SLC24A2: variants seen among roughly 807,000 people sequenced by gnomAD.
SLC24A2 encodes the protein sodium/potassium/calcium exchanger 2.
A neutral mutation model predicts 62.0 loss-of-function variants in SLC24A2; 36 were observed. The ratio of observed to expected loss-of-function variants is 0.58; its 90% confidence interval spans 0.44 to 0.77. The LOEUF is 0.77. Ranked by LOEUF, SLC24A2 falls within the 30% of genes least tolerant of loss-of-function variation. The probability of loss-of-function intolerance (pLI) is 0.00; values close to 1 mark genes in which losing one functional copy is unlikely to be tolerated. For missense variants in SLC24A2, 846 were observed against 817.9 expected, an observed-to-expected ratio of 1.03 and a Z score of -0.42; for synonymous variants, 358 against 294.0, an observed-to-expected ratio of 1.22 and a Z score of -2.23.
At chr9:20,145,269 T>C in the SLC24A2 span, among the ~76,000 whole-genome samples, 1 of 152,066 alleles carries the variant, frequency 6.6e-6, no homozygotes, top group South Asian at 2.1e-4. Flanking sequence ...GTGGGCTCGT[T>C]GCTCTATGAA....
At chr9:19,734,135 A>G (rs1484613277) in intron 2 of SLC24A2, among the ~76,000 whole-genome samples, 1 of 152,194 alleles carries the variant, frequency 6.6e-6, no homozygotes, top group Non-Finnish European at 1.5e-5. Flanking sequence ...CCATTTATTA[A>G]ATAGGGAATC....
At chr9:20,297,402 C>A in the SLC24A2 span, among the ~76,000 whole-genome samples, 1 of 152,098 alleles carries the variant, frequency 6.6e-6, no homozygotes, top group Admixed American at 6.5e-5. Context: ...CAACAGGAAA[C>A]GAGGCTGCAG....
the SLC24A2 span, among the ~76,000 whole-genome samples, chr9:20,036,680 G>C: frequency 2.0e-5 from 3 of 152,078 alleles, no homozygotes; most frequent in Non-Finnish European, 4.4e-5. Flanking sequence ...CCTTTTTAAA[G>C]GCTGAATAGA....
the SLC24A2 span, among the ~76,000 whole-genome samples, chr9:20,092,077 C>A: frequency 0.13 from 19,357 of 151,918 alleles, 1,734 homozygotes; most frequent in Admixed American, 0.31. Flanking sequence ...AACAACAGAC[C>A]CTGGGGCCTA....
At position 19,622,254 on chromosome 9, in the gene SLC24A2, T is replaced by C. The variant is rs1478744184; in HGVS notation, c.969+7A>G. ...AAACAGGTACAGACAAAGCCACTGC[T>C]TCCTACCGGTAGAGTTGGTTCATCC... On this transcript the variant is annotated splice_region_variant and intron_variant, in intron 3 of 10. Coordinates refer to ENST00000341998, the MANE Select transcript of SLC24A2 (RefSeq NM_020344.4). 1.9e-6 allele frequency: 3 copies of C among 1,613,000 alleles called. No homozygotes were observed. The highest frequency in any genetic ancestry group is 2.5e-6 in the Non-Finnish European group (3 of 1,179,262).
At chr9:19,838,455 CCACACACACACACA>C in the SLC24A2 span, among the ~76,000 whole-genome samples, 6 of 144,752 alleles carry the variant, frequency 4.1e-5, no homozygotes, top group Admixed American at 7.0e-5. Flanking sequence ...AGACCTAAAA[CCACACACACACACA>C]CACACACACA....
chr9:19,599,648 C>A lies in SLC24A2; in HGVS notation c.1079-2369G>T, dbSNP rs1278001702. The stretch of plus-strand genomic sequence containing the variant: ...GATTGGGCAGCATCTCCAGGAGCCA[C>A]AAGGCCCTCCTCCCTGAAGCAGGGA... On this transcript the variant is annotated intron_variant, in intron 4 of 10. Coordinates refer to ENST00000341998, the MANE Select transcript of SLC24A2 (RefSeq NM_020344.4). This position sits in a 1 kb window ranked among gnomAD's most constrained non-coding sequence, Gnocchi z 4.5. Among the ~76,000 whole-genome samples the A allele has an allele frequency of 6.6e-6, 1 of 152,170 alleles. No homozygotes were observed. The highest frequency in any genetic ancestry group is 1.5e-5 in the Non-Finnish European group (1 of 68,028).
intron 2 of SLC24A2, among the ~76,000 whole-genome samples, chr9:19,641,408 T>G (rs1818489483): frequency 6.6e-6 from 1 of 152,236 alleles, no homozygotes; most frequent in South Asian, 2.1e-4. Context: ...AAAACCAAAG[T>G]TCACTTTCAA....
At position 19,616,956 on chromosome 9, in the gene SLC24A2, G is replaced by C. The variant is rs150959659; in HGVS notation, c.1078+2628C>G. Among the ~76,000 whole-genome samples the C allele has an allele frequency of 1.4e-4, 21 of 152,230 alleles. No individual in the cohort carries two copies. In the East Asian group the frequency reaches 3.3e-3, roughly 24 times the overall value. ...GAGAACAGCCTATGGAAAAACCTGG[G>C]GCAGGGAAGGGGTGTTTGTCTGAAG... On this transcript the variant is annotated intron_variant, in intron 4 of 10. Coordinates refer to ENST00000341998, the MANE Select transcript of SLC24A2 (RefSeq NM_020344.4).
the SLC24A2 span, among the ~76,000 whole-genome samples, chr9:19,905,602 G>A: frequency 0.013 from 1,901 of 151,824 alleles, 45 homozygotes; most frequent in African/African-American, 0.044. Context: ...TAGTAGAGAC[G>A]GGGTTTCTCC....
chr9:20,147,136 C>T, the SLC24A2 span, among the ~76,000 whole-genome samples: 1 of 152,118 alleles, frequency 6.6e-6, no homozygotes, highest in African/African-American at 2.4e-5. Context: ...CAGAGAAATG[C>T]CTGATCACGA....
At chr9:19,876,077 G>A in the SLC24A2 span, among the ~76,000 whole-genome samples, 1 of 152,050 alleles carries the variant, frequency 6.6e-6, no homozygotes, top group Non-Finnish European at 1.5e-5. Context: ...AGTATTGTTA[G>A]GGCCAACAGA....
intron 2 of SLC24A2, among the ~76,000 whole-genome samples, chr9:19,722,468 C>T (rs1261460949): frequency 6.6e-6 from 1 of 151,856 alleles, no homozygotes; most frequent in Non-Finnish European, 1.5e-5. Context: ...GACAGAAAAG[C>T]TGAAAATAGT....
chr9:19,792,536 CAAAAA>C (rs1165695410), upstream of SLC24A2, among the ~76,000 whole-genome samples: 47 of 74,590 alleles, frequency 6.3e-4, no homozygotes, highest in African/African-American at 1.3e-3. Flanking sequence ...ACTAAAAATA[CAAAAA>C]AAAAAAAAAA....
the SLC24A2 span, among the ~76,000 whole-genome samples, chr9:20,184,410 A>G: frequency 6.6e-6 from 1 of 151,958 alleles, no homozygotes; most frequent in Non-Finnish European, 1.5e-5. Flanking sequence ...ATTAGCCGGT[A>G]TGCTGGTGGG....
At chr9:20,163,236 C>T in the SLC24A2 span, among the ~76,000 whole-genome samples, 10 of 152,044 alleles carry the variant, frequency 6.6e-5, no homozygotes, top group South Asian at 2.1e-4. Flanking sequence ...AAAACCCCAT[C>T]GTCTCAGTCC....
At chr9:20,214,118 AGGTG>A in the SLC24A2 span, among the ~76,000 whole-genome samples, 9 of 152,328 alleles carry the variant, frequency 5.9e-5, no homozygotes, top group South Asian at 1.9e-3. Flanking sequence ...TGAACATTTA[AGGTG>A]TTTCCACACC....
chr9:19,845,639 G>A, the SLC24A2 span, among the ~76,000 whole-genome samples: 2 of 152,018 alleles, frequency 1.3e-5, no homozygotes, highest in Non-Finnish European at 2.9e-5. Flanking sequence ...GCTAGGTTTG[G>A]GGTATGTTCT....
In SLC24A2 at chr9:19,550,099, GTTTTACAAGGGAACTATT is replaced by G; in HGVS notation, c.1479+20_1479+37del. 3 of 1,603,716 alleles carry G rather than the reference GTTTTACAAGGGAACTATT, an allele frequency of 1.9e-6. No homozygotes were observed. Among genetic ancestry groups the G allele is most frequent in the Non-Finnish European group, 2.6e-6 (3 of 1,171,516 alleles). On this transcript the variant is annotated intron_variant, in intron 8 of 10. Coordinates refer to ENST00000341998, the MANE Select transcript of SLC24A2 (RefSeq NM_020344.4). ...CTATGCACCCTGTTATGTACCATATGTTTTACAAGGGAACTATTTTTAAAATGCTTTACTTACAGGTTT... is the reference window on the plus strand; with the variant it reads ...CTATGCACCCTGTTATGTACCATATGTTTAAAATGCTTTACTTACAGGTTT...
Sources: gnomAD v4.1 joint callset for allele counts (sites outside exome capture counted in the v4.1 genomes callset) on GRCh38, gnomAD v4.1.1 for gene constraint, Gnocchi (gnomAD v3.1) non-coding constraint, MANE v1.5 for transcripts, NCBI Gene and HGNC (gene_info 2026-07-23, HGNC 2026-07-21) for gene names.